Variants in PRTG observed in about 807,000 individuals in gnomAD.
PRTG encodes the protein immunoglobulin superfamily, DCC subclass, member 5.
In PRTG, 67 loss-of-function variants were observed where a neutral mutation model predicts 122.5. The observed-to-expected ratio is 0.55, with a 90% CI of 0.45 to 0.67. The LOEUF (loss-of-function observed/expected upper bound fraction) is 0.67. Ranked by LOEUF, PRTG falls within the 30% of genes least tolerant of loss-of-function variation. The pLI is 0.00. For synonymous variants in PRTG, 554 were observed against 501.1 expected (o/e 1.11, Z -1.41); for missense variants, 1,435 against 1,415.4 (o/e 1.01, Z -0.22).
intron 11 of PRTG, among the ~76,000 whole-genome samples, chr15:55,645,217 C>G (rs1024445324): frequency 6.6e-6 from 1 of 150,942 alleles, no homozygotes; most frequent in Admixed American, 6.6e-5. Context: ...GGGCGGATCA[C>G]GAGGTCAGGA....
chr15:55,655,357 T>C (rs1471727519), intron 11 of PRTG: 1 of 152,176 alleles, frequency 6.6e-6, no homozygotes, highest in South Asian at 2.1e-4. Context: ...TCAACACGTA[T>C]GACACAGAAC....
chr15:55,648,595 TC>T (rs1167575366), intron 11 of PRTG, among the ~76,000 whole-genome samples: 2 of 152,190 alleles, frequency 1.3e-5, no homozygotes, highest in African/African-American at 4.8e-5. Flanking sequence ...GACCCACTCA[TC>T]CAGGTGCTGA....
chr15:55,643,950 A>G (rs534886777), intron 11 of PRTG, among the ~76,000 whole-genome samples: 1 of 151,826 alleles, frequency 6.6e-6, no homozygotes, highest in East Asian at 1.9e-4. Flanking sequence ...TGCAGCCTTC[A>G]CTTACCTGGG....
intron 1 of PRTG, among the ~76,000 whole-genome samples, chr15:55,741,550 T>C (rs954224537): frequency 6.6e-6 from 1 of 152,188 alleles, no homozygotes; most frequent in Non-Finnish European, 1.5e-5. Context: ...AAGCATTCGA[T>C]GACCATACAA....
chr15:55,624,135 T>C (rs1020947457), intron 18 of PRTG, among the ~76,000 whole-genome samples: 9 of 152,138 alleles, frequency 5.9e-5, no homozygotes, highest in African/African-American at 1.9e-4. Flanking sequence ...CTATATATTA[T>C]GGCATCTTTC....
chr15:55,615,329 G>C lies in PRTG; in HGVS notation c.*4683C>G, dbSNP rs2059137313. 6.6e-6 allele frequency: 1 copy of C among 152,116 alleles called. No individual in the cohort carries two copies. The highest frequency in any genetic ancestry group is 2.4e-5 in the African/African-American group (1 of 41,426). The allele number at this position is 152,116 out of a possible 1,614,324, so 9.4% of individuals were successfully genotyped here. On this transcript the variant is annotated 3_prime_UTR_variant, in exon 20 of 20. Transcript: ENST00000389286. ...ACCACCTTCATGGTAATGTGTTACA[G>C]CAGCAATAGGAAAAATAATACAGTA...
At chr15:55,656,944 G>C (rs563999731) in intron 11 of PRTG, among the ~76,000 whole-genome samples, 1 of 152,336 alleles carries the variant, frequency 6.6e-6, no homozygotes, top group East Asian at 1.9e-4. Flanking sequence ...CAAGCTGTCA[G>C]ACTTCTAGTA....
At chr15:55,640,170 G>C (rs2059281706) in intron 12 of PRTG, among the ~76,000 whole-genome samples, 1 of 152,158 alleles carries the variant, frequency 6.6e-6, no homozygotes, top group African/African-American at 2.4e-5. Context: ...TTATGGTACA[G>C]CCTATCACCC....
chr15:55,719,130 A>G (rs1238250446), intron 2 of PRTG, among the ~76,000 whole-genome samples: 1 of 152,212 alleles, frequency 6.6e-6, no homozygotes, highest in Non-Finnish European at 1.5e-5. Context: ...TCTTACTTGG[A>G]TTATTAAAAT....
chr15:55,735,178 A>T (rs1485390894), intron 2 of PRTG, among the ~76,000 whole-genome samples: 1 of 152,190 alleles, frequency 6.6e-6, no homozygotes. Context: ...CTTTTAAAAC[A>T]TCTCAATAAT....
intron 2 of PRTG, among the ~76,000 whole-genome samples, chr15:55,717,043 A>G (rs2030626058): frequency 6.6e-6 from 1 of 152,182 alleles, no homozygotes; most frequent in South Asian, 2.1e-4. Context: ...CACTAATACA[A>G]AGGCTTAGGT....
At chr15:55,626,677 G>A (rs907498178) in intron 17 of PRTG, among the ~76,000 whole-genome samples, 1 of 151,256 alleles carries the variant, frequency 6.6e-6, no homozygotes, top group African/African-American at 2.4e-5. Flanking sequence ...AGAATGGCAT[G>A]AACCTAAGAG....
chr15:55,615,239 C>G lies in PRTG; in HGVS notation c.*4773G>C, dbSNP rs546625424. ...GCCCTGCAAGCGCCTTGATTTTGTC[C>G]CAGGGAGACCTGTGTTAGACTTCTG... is the stretch of plus-strand genomic sequence containing the variant. On this transcript the variant is annotated 3_prime_UTR_variant, in exon 20 of 20. Coordinates refer to ENST00000389286, the MANE Select transcript of PRTG (RefSeq NM_173814.6). 3.9e-5 allele frequency: 6 copies of G among 152,080 alleles called. No homozygotes were observed. The highest frequency in any genetic ancestry group is 1.4e-4 in the African/African-American group (6 of 41,516). 9.4% of individuals were successfully genotyped at this position (152,080 alleles called of 1,614,324 possible).
chr15:55,685,629 T>C (rs1298324350), intron 2 of PRTG, among the ~76,000 whole-genome samples: 1 of 152,198 alleles, frequency 6.6e-6, no homozygotes, highest in Admixed American at 6.5e-5. Context: ...ATTCTGCTCC[T>C]CTGGCTAATT....
chr15:55,673,380 T>G lies in PRTG; in HGVS notation c.1843A>C (p.Ser615Arg), dbSNP rs1452563629. The change falls in exon 10 of 20, where the codon AGC becomes CGC. Residue 615 changes from serine to arginine, a missense_variant. By Grantham distance (110) the Ser-to-Arg change is moderately radical (BLOSUM62 -1). Coordinates refer to ENST00000389286, the MANE Select transcript of PRTG (RefSeq NM_173814.6). Reference protein sequence around the residue: ...WTSHRTPKATSVKAPKSPELH... With the variant: ...WTSHRTPKATRVKAPKSPELH... The stretch of plus-strand genomic sequence containing the variant: ...GTCTTCAGAAATTCACCTTTCACGC[T>G]TGTAGCTTTGGGCGTCCTATGTGAA... The G allele has an allele frequency of 1.2e-6, 2 of 1,611,632 alleles. No individual in the cohort carries two copies. Among genetic ancestry groups the G allele is most frequent in the Non-Finnish European group, 1.7e-6 (2 of 1,177,838 alleles).
chr15:55,715,164 T>C (rs1371796985), intron 2 of PRTG, among the ~76,000 whole-genome samples: 1 of 152,234 alleles, frequency 6.6e-6, no homozygotes, highest in Non-Finnish European at 1.5e-5. Flanking sequence ...TGACAGTTTA[T>C]AGATTGAAAC....
At chr15:55,686,023 C>A (rs2059568576) in intron 2 of PRTG, among the ~76,000 whole-genome samples, 1 of 152,118 alleles carries the variant, frequency 6.6e-6, no homozygotes, top group South Asian at 2.1e-4. Flanking sequence ...TATGGACCAT[C>A]CCCTGCTGTT....
At position 55,615,223 on chromosome 15, in the gene PRTG, G is replaced by A. The variant is rs994090023; in HGVS notation, c.*4789C>T. 3 of 152,166 alleles carry A rather than the reference G, an allele frequency of 2.0e-5. No individual in the cohort carries two copies. The highest frequency in any genetic ancestry group is 2.0e-4 in the Admixed American group (3 of 15,256). The allele number at this position is 152,166 out of a possible 1,614,324, so 9.4% of individuals were successfully genotyped here. A position where few individuals can be genotyped will look rare whatever the true frequency, so the allele number is the denominator to read the frequency against. ...GCCTCAAAAAGAAACAGCCCTGCAAGCGCCTTGATTTTGTCCCAGGGAGAC... is the reference window on the plus strand; with the variant it reads ...GCCTCAAAAAGAAACAGCCCTGCAAACGCCTTGATTTTGTCCCAGGGAGAC... On this transcript the variant is annotated 3_prime_UTR_variant, in exon 20 of 20. Transcript: ENST00000389286.
At chr15:55,677,538 T>C (rs1356637565) in intron 8 of PRTG, among the ~76,000 whole-genome samples, 1 of 152,188 alleles carries the variant, frequency 6.6e-6, no homozygotes, top group African/African-American at 2.4e-5. Context: ...TTGTAACTTC[T>C]AAGCAGGCAG....
Sources: allele counts gnomAD v4.1 joint callset (sites outside exome capture counted in the v4.1 genomes callset), GRCh38; gene constraint gnomAD v4.1.1; transcripts MANE v1.5; gene names NCBI Gene and HGNC (gene_info 2026-07-23, HGNC 2026-07-21).